The following WDPCP variants were observed in gnomAD, a reference collection of about 807,000 sequenced individuals.
WDPCP encodes WD repeat containing planar cell polarity effector, also known as WD repeat-containing and planar cell polarity effector protein fritz homolog.
In WDPCP, 71 loss-of-function variants were observed where a neutral mutation model predicts 93.1. The observed-to-expected ratio is 0.76, with a 90% CI of 0.63 to 0.93. The LOEUF (loss-of-function observed/expected upper bound fraction) is 0.93, where lower values mean the gene tolerates loss of function less well. WDPCP is among the 40% of genes least tolerant of loss of function. The pLI, the probability that WDPCP is intolerant of heterozygous loss-of-function variation, is 0.00. For synonymous variants in WDPCP, 315 were observed against 315.0 expected (o/e 1.00, Z 0.00); for missense variants, 844 against 887.4 (o/e 0.95, Z 0.62).
intron 2 of WDPCP, among the ~76,000 whole-genome samples, chr2:63,766,722 A>T (rs1303900830): frequency 6.6e-6 from 1 of 150,916 alleles, no homozygotes; most frequent in East Asian, 1.9e-4. Flanking sequence ...ATCACTCTCA[A>T]AAGACTCTTC....
chr2:63,512,320 TCAGA>T (rs1702285534), intron 1 of WDPCP, among the ~76,000 whole-genome samples: 1 of 152,110 alleles, frequency 6.6e-6, no homozygotes, highest in South Asian at 2.1e-4. Flanking sequence ...AGTCACTGTG[TCAGA>T]CAGTGTGGCG....
chr2:63,656,499 G>C (rs1245729145), intron 2 of WDPCP, among the ~76,000 whole-genome samples: 4 of 152,204 alleles, frequency 2.6e-5, no homozygotes, highest in Non-Finnish European at 1.5e-5. Flanking sequence ...GCCAGAAATG[G>C]GCCAAAGCCA....
intron 10 of WDPCP, among the ~76,000 whole-genome samples, chr2:63,389,764 G>C (rs1170252131): frequency 6.6e-6 from 1 of 152,082 alleles, no homozygotes; most frequent in Non-Finnish European, 1.5e-5. Flanking sequence ...TGATAAAATA[G>C]ACTTTAAACC....
intron 6 of WDPCP, among the ~76,000 whole-genome samples, chr2:63,466,406 T>TAA (rs1215086446): frequency 3.9e-5 from 6 of 152,144 alleles, no homozygotes; most frequent in Admixed American, 3.9e-4. Context: ...TATATATATA[T>TAA]AAAACGTAAT....
At chr2:63,393,774 C>A (rs1693483648) in intron 10 of WDPCP, among the ~76,000 whole-genome samples, 1 of 151,942 alleles carries the variant, frequency 6.6e-6, no homozygotes, top group Non-Finnish European at 1.5e-5. Flanking sequence ...TAATGCTACA[C>A]ACCTACAACC....
At position 63,315,761 on chromosome 2, in the gene WDPCP, ATTT is replaced by A. The variant is rs59248574; in HGVS notation, c.1749-2453_1749-2451del. On this transcript the variant is annotated intron_variant, in intron 12 of 17. Coordinates refer to ENST00000272321, the MANE Select transcript of WDPCP (RefSeq NM_015910.7). Reference sequence around the variant, plus strand: ...CTAATTATTGAAGTTAAATAATTTGATTTTTTTTTTGTTTTGGACTGGGTCTTG... The same window carrying A: ...CTAATTATTGAAGTTAAATAATTTGATTTTTTTGTTTTGGACTGGGTCTTG... Among the ~76,000 whole-genome samples the A allele has an allele frequency of 9.4e-4, 141 of 149,656 alleles. 9 individuals carry two copies. Among genetic ancestry groups the A allele is most frequent in the Non-Finnish European group, 4.5e-5 (3 of 67,354 alleles).
chr2:63,614,246 T>C (rs1709649300), intron 3 of WDPCP, among the ~76,000 whole-genome samples: 1 of 152,182 alleles, frequency 6.6e-6, no homozygotes, highest in South Asian at 2.1e-4. Context: ...TGACCCTTCT[T>C]TGAGTTTCAT....
At chr2:63,594,888 A>G in intron 3 of WDPCP, 1 of 293,064 alleles carries the variant, frequency 3.4e-6, no homozygotes, top group South Asian at 4.0e-5. Context: ...TGTGGGAGAG[A>G]GTTACTCAGT....
At chr2:63,343,782 A>G (rs1000896025) in intron 12 of WDPCP, among the ~76,000 whole-genome samples, 2 of 152,128 alleles carry the variant, frequency 1.3e-5, no homozygotes, top group African/African-American at 4.8e-5. Context: ...TTCTTCTGCC[A>G]GGTCAAACTT....
At chr2:63,136,834 A>G (rs1300906464) in intron 17 of WDPCP, among the ~76,000 whole-genome samples, 1 of 152,070 alleles carries the variant, frequency 6.6e-6, no homozygotes, top group African/African-American at 2.4e-5. Context: ...TTCCTGTATT[A>G]GTTTGCTAAG....
rs112427738 is a variant in WDPCP at position 63,771,941 on chromosome 2, C to T, written n.308+41681G>A. Among the ~76,000 whole-genome samples, 657 of 152,026 alleles carry T rather than the reference C, an allele frequency of 4.3e-3. 3 individuals carry two copies. The highest frequency in any genetic ancestry group is 0.01 in the Middle Eastern group (3 of 294). On this transcript the variant is annotated intron_variant and non_coding_transcript_variant, in intron 2 of 4. Coordinates refer to the WDPCP transcript ENST00000467687. The stretch of plus-strand genomic sequence containing the variant: ...ATGTACCACATTTTCTTTATCTAGT[C>T]CACCACTGATGGGCACCTGACTTGA...
intron 3 of WDPCP, among the ~76,000 whole-genome samples, chr2:63,602,998 C>T (rs946723031): frequency 1.1e-4 from 14 of 122,878 alleles, no homozygotes; most frequent in Non-Finnish European, 2.0e-4. Flanking sequence ...CTCGCCCTGT[C>T]GCCTAGGCTG....
chr2:63,126,485 A>T (rs1574663362), intron 17 of WDPCP, among the ~76,000 whole-genome samples: 1 of 152,130 alleles, frequency 6.6e-6, no homozygotes, highest in Non-Finnish European at 1.5e-5. Flanking sequence ...TAGTGGAACA[A>T]AATTAGACTG....
intron 14 of WDPCP, among the ~76,000 whole-genome samples, chr2:63,181,922 A>T (rs1018180350): frequency 6.6e-6 from 1 of 151,390 alleles, no homozygotes; most frequent in Non-Finnish European, 1.5e-5. Context: ...ATTCCTAAAT[A>T]TTTTACTTTT....
At chr2:63,301,761 C>T (rs937177743) in intron 13 of WDPCP, among the ~76,000 whole-genome samples, 3 of 151,776 alleles carry the variant, frequency 2.0e-5, no homozygotes, top group African/African-American at 7.3e-5. Context: ...CACACTGAGT[C>T]ACACCAAAAG....
chr2:63,820,227 ATAGTT>A (rs559123366), intron 1 of WDPCP, among the ~76,000 whole-genome samples: 337 of 152,308 alleles, frequency 2.2e-3, no homozygotes, highest in Non-Finnish European at 3.6e-3. Context: ...AGGAAAATGA[ATAGTT>A]TAGTTAGGAA....
chr2:63,376,446 A>G (rs1206394370), intron 12 of WDPCP, among the ~76,000 whole-genome samples: 1 of 151,976 alleles, frequency 6.6e-6, no homozygotes, highest in African/African-American at 2.4e-5. Context: ...AGTAGAATAG[A>G]GCATCCTAGA....
At chr2:63,582,474 A>T (rs1708558914) in intron 1 of WDPCP, among the ~76,000 whole-genome samples, 1 of 152,188 alleles carries the variant, frequency 6.6e-6, no homozygotes, top group African/African-American at 2.4e-5. Flanking sequence ...ACAGCGCAAG[A>T]ATCGAAGAGC....
chr2:63,781,358 T>C (rs577629913), intron 2 of WDPCP, among the ~76,000 whole-genome samples: 2 of 152,242 alleles, frequency 1.3e-5, no homozygotes, highest in Admixed American at 1.3e-4. Context: ...ACCAGAAATG[T>C]TGAATGGGAC....
Sources: gnomAD v4.1 joint callset for allele counts (sites outside exome capture counted in the v4.1 genomes callset) on GRCh38, gnomAD v4.1.1 for gene constraint, MANE v1.5 for transcripts, NCBI Gene and HGNC (gene_info 2026-07-23, HGNC 2026-07-21) for gene names.